Variants in FRMD4A observed in about 807,000 individuals in gnomAD.
FRMD4A encodes FERM domain containing 4A.
A neutral mutation model predicts 129.1 loss-of-function variants in FRMD4A; 29 were observed. That is an observed-to-expected ratio of 0.22 (90% CI 0.17 to 0.31). The LOEUF (loss-of-function observed/expected upper bound fraction) is 0.31. FRMD4A is among the 10% of genes least tolerant of loss of function. The pLI is 1.00. For missense variants in FRMD4A, 1,272 were observed against 1,375.8 expected, an observed-to-expected ratio of 0.92 and a Z score of 1.19; for synonymous variants, 634 against 571.6, an observed-to-expected ratio of 1.11 and a Z score of -1.56.
At chr10:13,993,530 A>G (rs992512779) in intron 2 of FRMD4A, among the ~76,000 whole-genome samples, 4 of 152,242 alleles carry the variant, frequency 2.6e-5, no homozygotes, top group Non-Finnish European at 4.4e-5. Context: ...TGAGTTAGCA[A>G]AATATACCTC....
intron 2 of FRMD4A, among the ~76,000 whole-genome samples, chr10:14,204,767 C>A (rs922801716): frequency 6.6e-6 from 1 of 152,186 alleles, no homozygotes; most frequent in African/African-American, 2.4e-5. Context: ...ATCTCCCTCA[C>A]ATCTGCATAG....
At chr10:13,951,929 TA>T (rs1554984654) in intron 2 of FRMD4A, among the ~76,000 whole-genome samples, 53 of 145,964 alleles carry the variant, frequency 3.6e-4, no homozygotes, top group African/African-American at 1.2e-3. Context: ...ATAATAATAA[TA>T]AACAATCTAA....
chr10:14,255,923 T>C (rs375900679), intron 2 of FRMD4A, among the ~76,000 whole-genome samples: 4 of 151,106 alleles, frequency 2.6e-5, no homozygotes, highest in Admixed American at 2.0e-4. Flanking sequence ...CAAGAATCAC[T>C]TGAACCGAGA....
chr10:14,040,246 C>G lies in FRMD4A; in HGVS notation c.46-181334G>C, dbSNP rs542835970. On this transcript the variant is annotated intron_variant, in intron 2 of 24. Transcript: ENST00000357447. ...ACTGGGCTTGTGTGTGTACAACATT[C>G]TAATTTTTGTGAACAGTCACTTGCT... Among the ~76,000 whole-genome samples, 8 of 151,992 alleles carry G rather than the reference C, an allele frequency of 5.3e-5. No homozygotes were observed. The South Asian group carries it at 1.7e-3, about 32-fold the overall frequency.
In FRMD4A at chr10:14,124,994, G is replaced by A. The variant is rs75567469; in HGVS notation, c.45+205064C>T. Among the ~76,000 whole-genome samples, 328 of 152,258 alleles carry A rather than the reference G, an allele frequency of 2.2e-3. 6 individuals carry two copies. The East Asian group carries it at 0.044, about 20-fold the overall frequency. ...AGAAGATAGTGCTTCCTTTGACAAC[G>A]TCAATTTTTCAGTGCATGAAGCCCT... On this transcript the variant is annotated intron_variant, in intron 2 of 24. Transcript: ENST00000357447.
chr10:13,758,009 G>A (rs2091931884), intron 8 of FRMD4A, among the ~76,000 whole-genome samples: 1 of 152,170 alleles, frequency 6.6e-6, no homozygotes, highest in Admixed American at 6.5e-5. Context: ...CTCCCAAAGT[G>A]CTGGGATTAC....
chr10:13,972,374 A>G (rs1484625404), intron 2 of FRMD4A: 31 of 954,426 alleles, frequency 3.2e-5, no homozygotes, highest in Non-Finnish European at 3.9e-5. Context: ...AGAAATTGCT[A>G]TTTCTGTGGG....
intron 2 of FRMD4A, among the ~76,000 whole-genome samples, chr10:14,004,336 A>T (rs1232280113): frequency 6.6e-6 from 1 of 152,228 alleles, no homozygotes; most frequent in Non-Finnish European, 1.5e-5. Context: ...TGAGGTCAGG[A>T]GTTCGAGACC....
At position 13,657,048 on chromosome 10, in the gene FRMD4A, G is replaced by A. The variant is rs759451865; in HGVS notation, c.2541C>T (p.Pro847=). 16 of 1,571,536 alleles carry A rather than the reference G, an allele frequency of 1.0e-5. No individual in the cohort carries two copies. The highest frequency in any genetic ancestry group is 1.7e-4 in the Middle Eastern group (1 of 5,970). Residue 847 remains proline (P), a synonymous_variant, in exon 22 of 25, where the codon CCC becomes CCT. Coordinates refer to ENST00000357447, the MANE Select transcript of FRMD4A (RefSeq NM_018027.5). The part of the protein sequence containing the change: ...YPLYIEGGAT[P]VVVRSLESDQ... ...CGCTCTCCAGGCTGCGCACCACCAC[G>A]GGCGTGGCGCCGCCCTCGATGTACA...
At chr10:14,206,724 T>G (rs1842790243) in intron 2 of FRMD4A, among the ~76,000 whole-genome samples, 1 of 142,356 alleles carries the variant, frequency 7.0e-6, no homozygotes, top group African/African-American at 2.7e-5. Context: ...CGAGAATCAC[T>G]TGAACTTGGG....
At chr10:13,873,403 A>C (rs1033501317) in intron 2 of FRMD4A, among the ~76,000 whole-genome samples, 2 of 152,206 alleles carry the variant, frequency 1.3e-5, no homozygotes, top group Non-Finnish European at 2.9e-5. Context: ...CATGAAGAAC[A>C]CAGGATGTGT....
At position 13,701,544 on chromosome 10, in the gene FRMD4A, A is replaced by G; in HGVS notation, c.837-66T>C. 2.0e-6 allele frequency: 3 copies of G among 1,508,466 alleles called. No individual in the cohort carries two copies. The South Asian group carries it at 3.6e-5, about 18-fold the overall frequency. The allele number at this position is 1,508,466 out of a possible 1,614,324, so 93.4% of individuals were successfully genotyped here. On this transcript the variant is annotated intron_variant, in intron 13 of 24. Transcript: ENST00000357447. The stretch of plus-strand genomic sequence containing the variant: ...TGAGAGAAACCATTTCTCAGTCAAC[A>G]GCTTCTGTAGAGAACCCACTGCGTC...
chr10:14,260,771 A>T (rs1451227702), intron 2 of FRMD4A, among the ~76,000 whole-genome samples: 1 of 152,178 alleles, frequency 6.6e-6, no homozygotes, highest in Non-Finnish European at 1.5e-5. Flanking sequence ...GTTAAGGCAA[A>T]CTATTTCCTT....
intron 2 of FRMD4A, among the ~76,000 whole-genome samples, chr10:14,050,807 G>C (rs1834220197): frequency 6.6e-6 from 1 of 152,220 alleles, no homozygotes; most frequent in Non-Finnish European, 1.5e-5. Flanking sequence ...TACCCAGAAA[G>C]GGCCTAGCAG....
At chr10:14,074,558 T>C (rs974407396) in intron 2 of FRMD4A, 1 of 152,240 alleles carries the variant, frequency 6.6e-6, no homozygotes, top group African/African-American at 2.4e-5. Flanking sequence ...ATTCATGCTT[T>C]CAGAGGGTCA....
intron 12 of FRMD4A, among the ~76,000 whole-genome samples, chr10:13,736,513 T>G (rs994467720): frequency 2.5e-4 from 38 of 152,252 alleles, no homozygotes; most frequent in Admixed American, 2.4e-3. Flanking sequence ...CAGCATCTTT[T>G]CTTAGAACTT....
At chr10:13,939,213 G>A (rs944916970) in intron 2 of FRMD4A, among the ~76,000 whole-genome samples, 1 of 152,192 alleles carries the variant, frequency 6.6e-6, no homozygotes, top group Non-Finnish European at 1.5e-5. Context: ...ATCAATGTAG[G>A]GTGAGATTAG....
rs371965439 is a variant in FRMD4A at position 13,906,997 on chromosome 10, C to T, written c.46-48085G>A. Among the ~76,000 whole-genome samples the T allele has an allele frequency of 3.9e-5, 6 of 152,224 alleles. 1 individual carries two copies. Among genetic ancestry groups the T allele is most frequent in the East Asian group, 3.9e-4 (2 of 5,180 alleles). On this transcript the variant is annotated intron_variant, in intron 2 of 24. Transcript: ENST00000357447. ...CTGTGTCTCATCCTCAACTGTGTGG[C>T]GCAGTATTATCCACGCCCATAGGTC...
intron 2 of FRMD4A, among the ~76,000 whole-genome samples, chr10:14,043,947 C>T (rs879902169): frequency 1.3e-5 from 2 of 152,176 alleles, no homozygotes; most frequent in African/African-American, 4.8e-5. Context: ...CTACTTCATT[C>T]TCCTGAATAG....
Sources: gnomAD v4.1 joint callset for allele counts (sites outside exome capture counted in the v4.1 genomes callset) on GRCh38, gnomAD v4.1.1 for gene constraint, MANE v1.5 for transcripts, NCBI Gene and HGNC (gene_info 2026-07-23, HGNC 2026-07-21) for gene names.